Variants in FHIT observed in about 807,000 individuals in gnomAD.
The protein encoded by FHIT is fragile histidine triad diadenosine triphosphatase.
FHIT carries 19 observed loss-of-function variants against 17.9 expected under a neutral mutation model. The observed-to-expected ratio is 1.06, with a 90% CI of 0.74 to 1.56. The LOEUF (loss-of-function observed/expected upper bound fraction) is 1.56. Ranked by LOEUF, FHIT falls within the 40% of genes most tolerant of loss-of-function variation. The probability of loss-of-function intolerance (pLI) is 0.00; values close to 1 mark genes in which losing one functional copy is unlikely to be tolerated. For missense variants in FHIT, 248 were observed against 189.2 expected (o/e 1.31, Z -1.82); for synonymous variants, 81 against 69.7 (o/e 1.16, Z -0.81).
chr3:60,819,032 T>C (rs1466425047), intron 4 of FHIT, among the ~76,000 whole-genome samples: 2 of 135,832 alleles, frequency 1.5e-5, no homozygotes, highest in Admixed American at 7.4e-5. Context: ...TTTTCTTTTT[T>C]CTTTTCTTTT....
chr3:61,219,592 G>C (rs905070288), intron 1 of FHIT, among the ~76,000 whole-genome samples: 2 of 151,914 alleles, frequency 1.3e-5, no homozygotes, highest in Non-Finnish European at 2.9e-5. Flanking sequence ...TGCCTAATTC[G>C]TCCATATTTT....
intron 3 of FHIT, among the ~76,000 whole-genome samples, chr3:60,964,181 T>C (rs1364836803): frequency 1.3e-5 from 2 of 152,234 alleles, no homozygotes; most frequent in African/African-American, 2.4e-5. Context: ...TTTACCATTA[T>C]GTAATGGCCT....
chr3:60,277,652 G>A (rs1475700547), intron 5 of FHIT, among the ~76,000 whole-genome samples: 1 of 152,098 alleles, frequency 6.6e-6, no homozygotes, highest in Non-Finnish European at 1.5e-5. Flanking sequence ...ATGTAAATCA[G>A]ACACCGCCTC....
At chr3:59,939,350 C>G (rs76941339) in intron 7 of FHIT, among the ~76,000 whole-genome samples, 21,967 of 152,046 alleles carry the variant, frequency 0.14, 1,849 homozygotes, top group Middle Eastern at 0.24. Context: ...TTAGTCAGGA[C>G]CCTACACTAA....
intron 5 of FHIT, among the ~76,000 whole-genome samples, chr3:60,337,037 T>A (rs781691001): frequency 2.6e-5 from 4 of 152,150 alleles, no homozygotes; most frequent in Non-Finnish European, 5.9e-5. Flanking sequence ...ACACACAAAC[T>A]ACAACACAGA....
intron 2 of FHIT, among the ~76,000 whole-genome samples, chr3:61,180,384 A>T (rs1013201056): frequency 6.6e-6 from 1 of 152,202 alleles, no homozygotes; most frequent in Non-Finnish European, 1.5e-5. Flanking sequence ...ACCAGTACTG[A>T]TTAGGTTTAT....
chr3:60,218,328 T>C (rs899000523), intron 5 of FHIT, among the ~76,000 whole-genome samples: 51 of 152,306 alleles, frequency 3.3e-4, no homozygotes, highest in African/African-American at 1.0e-3. Flanking sequence ...TCAAGTAATG[T>C]TGCTACCTTA....
At chr3:61,185,135 T>C (rs1409595212) in intron 2 of FHIT, among the ~76,000 whole-genome samples, 1 of 152,228 alleles carries the variant, frequency 6.6e-6, no homozygotes, top group Non-Finnish European at 1.5e-5. Context: ...CTGTGTAGCA[T>C]ATGTTCATAA....
At chr3:60,932,517 T>C (rs1708009397) in intron 3 of FHIT, among the ~76,000 whole-genome samples, 1 of 152,070 alleles carries the variant, frequency 6.6e-6, no homozygotes, top group African/African-American at 2.4e-5. Context: ...CTATTCCCCA[T>C]TTCCTCTCTC....
At chr3:59,916,651 T>A (rs1705148697) in intron 8 of FHIT, among the ~76,000 whole-genome samples, 3 of 152,186 alleles carry the variant, frequency 2.0e-5, no homozygotes, top group African/African-American at 7.2e-5. Context: ...TCAGTAATAA[T>A]CTGACATAGG....
At chr3:60,816,742 A>C (rs1255194929) in intron 4 of FHIT, among the ~76,000 whole-genome samples, 2 of 151,760 alleles carry the variant, frequency 1.3e-5, no homozygotes, top group African/African-American at 2.4e-5. Context: ...AGGGTGATGC[A>C]CAGAATGAGT....
chr3:60,888,205 T>A (rs903898585), intron 3 of FHIT, among the ~76,000 whole-genome samples: 1 of 152,160 alleles, frequency 6.6e-6, no homozygotes, highest in African/African-American at 2.4e-5. Flanking sequence ...GACATTTGGG[T>A]TGCACATTAA....
At chr3:61,025,290 C>T (rs1190677262) in intron 3 of FHIT, among the ~76,000 whole-genome samples, 4 of 152,162 alleles carry the variant, frequency 2.6e-5, no homozygotes, top group African/African-American at 4.8e-5. Context: ...AAAGGCTAAA[C>T]GTTTCACTGA....
chr3:59,997,138 C>T (rs1021806745), intron 7 of FHIT, among the ~76,000 whole-genome samples: 2 of 152,054 alleles, frequency 1.3e-5, no homozygotes, highest in African/African-American at 4.8e-5. Flanking sequence ...TGATTCTAGG[C>T]AACACGTTTA....
chr3:60,781,552 A>G (rs1226816690), intron 4 of FHIT, among the ~76,000 whole-genome samples: 1 of 152,168 alleles, frequency 6.6e-6, no homozygotes, highest in East Asian at 1.9e-4. Context: ...GTTCTTCACT[A>G]TTTTTCAACT....
At chr3:60,109,346 C>A (rs1350535668) in intron 5 of FHIT, among the ~76,000 whole-genome samples, 1 of 152,118 alleles carries the variant, frequency 6.6e-6, no homozygotes, top group African/African-American at 2.4e-5. Flanking sequence ...TCATCTCACG[C>A]ATCTCAGAGG....
At chr3:60,914,321 T>A (rs1706893293) in intron 3 of FHIT, among the ~76,000 whole-genome samples, 1 of 152,202 alleles carries the variant, frequency 6.6e-6, no homozygotes, top group African/African-American at 2.4e-5. Context: ...ACTGTAATAA[T>A]AAAATATTTA....
At chr3:60,797,872 A>G (rs1575537924) in intron 4 of FHIT, among the ~76,000 whole-genome samples, 1 of 152,010 alleles carries the variant, frequency 6.6e-6, no homozygotes, top group African/African-American at 2.4e-5. Flanking sequence ...CTAATGTATA[A>G]TTTTGAATAT....
intron 8 of FHIT, among the ~76,000 whole-genome samples, chr3:59,869,516 C>G (rs902512381): frequency 2.7e-5 from 2 of 74,854 alleles, no homozygotes; most frequent in African/African-American, 6.1e-5. Context: ...GAGTCTCGCT[C>G]TGTCGCCCAG....
Sources: allele counts gnomAD v4.1 joint callset (sites outside exome capture counted in the v4.1 genomes callset), GRCh38; gene constraint gnomAD v4.1.1; transcripts MANE v1.5; gene names NCBI Gene and HGNC (gene_info 2026-07-23, HGNC 2026-07-21).